The following ODAD2 variants were observed in gnomAD, a reference collection of about 807,000 sequenced individuals.
The protein encoded by ODAD2 is outer dynein arm docking complex subunit 2.
ODAD2 carries 89 observed loss-of-function variants against 106.8 expected under a neutral mutation model. The ratio of observed to expected loss-of-function variants is 0.83; its 90% CI spans 0.70 to 0.99. The LOEUF is 0.99. ODAD2 is among the 50% of genes least tolerant of loss of function. The pLI, the probability that ODAD2 is intolerant of heterozygous loss-of-function variation, is 0.00. For synonymous variants in ODAD2, 404 were observed against 436.2 expected (o/e 0.93, Z 0.92); for missense variants, 1,168 against 1,238.5 (o/e 0.94, Z 0.85).
chr10:27,995,189 G>C lies in ODAD2; in HGVS notation c.-38-9C>G. 1.9e-6 allele frequency: 3 copies of C among 1,594,658 alleles called. No individual in the cohort carries two copies. Among genetic ancestry groups the C allele is most frequent in the East Asian group, 2.2e-5 (1 of 44,508 alleles). On this transcript the variant is annotated splice_polypyrimidine_tract_variant and intron_variant, in intron 1 of 19. Transcript: ENST00000305242. ...TGAGCTTAGCACACGCACTACATCA[G>C]AGCAGAAAGAGAAAGAGACAACAGC...
chr10:27,813,649 T>G (rs779573645), intron 19 of ODAD2, among the ~76,000 whole-genome samples: 6 of 152,312 alleles, frequency 3.9e-5, no homozygotes, highest in South Asian at 2.1e-4. Flanking sequence ...CAAAGAAATC[T>G]TACTAAGAAA....
intron 17 of ODAD2, among the ~76,000 whole-genome samples, chr10:27,889,995 G>A (rs1485496861): frequency 6.6e-6 from 1 of 152,150 alleles, no homozygotes; most frequent in East Asian, 1.9e-4. Context: ...AATGCAGTGA[G>A]TGCTATGCAA....
At chr10:27,832,507 C>T (rs1329964308) in intron 19 of ODAD2, among the ~76,000 whole-genome samples, 1 of 151,992 alleles carries the variant, frequency 6.6e-6, no homozygotes, top group African/African-American at 2.4e-5. Flanking sequence ...CAACTTTCCC[C>T]CCACCCATGT....
chr10:27,926,085 T>C (rs1194613055), intron 16 of ODAD2, among the ~76,000 whole-genome samples: 7 of 152,018 alleles, frequency 4.6e-5, no homozygotes, highest in African/African-American at 1.7e-4. Context: ...GAGCTAGATA[T>C]TATTTTAGTC....
At chr10:27,856,952 A>C (rs780425658) in intron 19 of ODAD2, among the ~76,000 whole-genome samples, 2 of 152,170 alleles carry the variant, frequency 1.3e-5, no homozygotes, top group Non-Finnish European at 2.9e-5. Flanking sequence ...GGACGACAAG[A>C]CCGAAACTCC....
intron 10 of ODAD2, 29 bp from the exon 11 acceptor site, chr10:27,944,991 T>G: frequency 6.2e-7 from 1 of 1,612,550 alleles, no homozygotes; most frequent in Non-Finnish European, 8.5e-7. Flanking sequence ...AGAGAAAGGT[T>G]AAGGAACACC....
At chr10:27,878,790 T>G (rs1453796383) in intron 17 of ODAD2, among the ~76,000 whole-genome samples, 1 of 151,858 alleles carries the variant, frequency 6.6e-6, no homozygotes, top group African/African-American at 2.4e-5. Context: ...GCACAGAGAG[T>G]TTGTTTGTGT....
At chr10:27,911,756 C>T (rs1313640996) in intron 16 of ODAD2, among the ~76,000 whole-genome samples, 2 of 152,172 alleles carry the variant, frequency 1.3e-5, no homozygotes, top group Non-Finnish European at 2.9e-5. Flanking sequence ...CCTTTTCCTG[C>T]CCCTCATACC....
chr10:27,931,199 G>C (rs1447621194), intron 16 of ODAD2, among the ~76,000 whole-genome samples: 1 of 152,182 alleles, frequency 6.6e-6, no homozygotes, highest in Non-Finnish European at 1.5e-5. Context: ...GAAATCTTGA[G>C]ATCTGAAGAG....
intron 2 of ODAD2, among the ~76,000 whole-genome samples, chr10:27,989,031 A>C (rs1439381532): frequency 6.6e-6 from 1 of 152,162 alleles, no homozygotes; most frequent in East Asian, 1.9e-4. Context: ...ATGAGTCATG[A>C]GTCAAGGAAC....
At position 27,956,149 on chromosome 10, in the gene ODAD2, G is replaced by A. The variant is rs1304868097; in HGVS notation, c.1386+5419C>T. On this transcript the variant is annotated intron_variant, in intron 10 of 19. Transcript: ENST00000305242. ...CCCTCACCAACCCATCATGGGTCAG[G>A]GGCAAGGATGAATGTGTAGGAATGG... Among the ~76,000 whole-genome samples, 4 of 152,256 alleles carry A rather than the reference G, an allele frequency of 2.6e-5. No homozygotes were observed. In the East Asian group the frequency reaches 7.7e-4, roughly 29 times the overall value.
intron 19 of ODAD2, among the ~76,000 whole-genome samples, chr10:27,846,170 G>T (rs1356438202): frequency 6.6e-6 from 1 of 152,132 alleles, no homozygotes; most frequent in African/African-American, 2.4e-5. Flanking sequence ...CACATAGTTG[G>T]AAGTAAAGCA....
Position 27,921,852 on chromosome 10 carries a change from T to TTTAATGTAAA in ODAD2, c.2495+13157_2495+13158insTTTACATTAA, listed in dbSNP as rs1274510182. On this transcript the variant is annotated intron_variant, in intron 16 of 19. Transcript: ENST00000305242. ...CAGTATTTTATTTTTTTTTTTGTAA[T>TTTAATGTAAA]TTAATGAAAGAACTTGGGAATCAAG... 6.0e-5 allele frequency among the ~76,000 whole-genome samples: 9 copies of TTTAATGTAAA among 149,488 alleles called. No individual in the cohort carries two copies. In the South Asian group the frequency reaches 6.3e-4, roughly 11 times the overall value.
At chr10:27,981,178 G>C (rs1332909292) in intron 7 of ODAD2, among the ~76,000 whole-genome samples, 3 of 152,096 alleles carry the variant, frequency 2.0e-5, no homozygotes, top group African/African-American at 7.2e-5. Context: ...AGAAGGAATG[G>C]GGAATTATTG....
At chr10:27,880,841 A>C (rs989336868) in intron 17 of ODAD2, among the ~76,000 whole-genome samples, 12 of 152,212 alleles carry the variant, frequency 7.9e-5, no homozygotes, top group African/African-American at 2.9e-4. Flanking sequence ...TAGGAGCACA[A>C]ATAGATCAAG....
intron 17 of ODAD2, among the ~76,000 whole-genome samples, chr10:27,896,544 T>C (rs1225913429): frequency 6.6e-6 from 1 of 152,212 alleles, no homozygotes; most frequent in East Asian, 1.9e-4. Flanking sequence ...TCTTTCAGTA[T>C]TCCTTTCTAT....
intron 19 of ODAD2, among the ~76,000 whole-genome samples, chr10:27,857,856 A>G (rs892186199): frequency 4.6e-5 from 7 of 152,214 alleles, no homozygotes; most frequent in Non-Finnish European, 8.8e-5. Flanking sequence ...ACATTCACTC[A>G]TTGGCAGCTG....
At chr10:27,892,822 C>T (rs951880221) in intron 17 of ODAD2, among the ~76,000 whole-genome samples, 1 of 152,206 alleles carries the variant, frequency 6.6e-6, no homozygotes, top group African/African-American at 2.4e-5. Flanking sequence ...GGCTCAATCA[C>T]TGATAGGTAG....
intron 19 of ODAD2, among the ~76,000 whole-genome samples, chr10:27,822,790 A>G (rs903370361): frequency 6.6e-6 from 1 of 152,122 alleles, no homozygotes; most frequent in Non-Finnish European, 1.5e-5. Context: ...CCTCAAGGTG[A>G]TAGGTGTGTG....
Sources: gnomAD v4.1 joint callset for allele counts (sites outside exome capture counted in the v4.1 genomes callset) on GRCh38, gnomAD v4.1.1 for gene constraint, MANE v1.5 for transcripts, NCBI Gene and HGNC (gene_info 2026-07-23, HGNC 2026-07-21) for gene names.